The following TRMT9B variants were observed in gnomAD, a reference collection of about 807,000 sequenced individuals.
The protein encoded by TRMT9B is probable tRNA methyltransferase 9B.
A neutral mutation model predicts 11.5 loss-of-function variants in TRMT9B; 16 were observed. The ratio of observed to expected loss-of-function variants is 1.39; its 90% CI spans 0.94 to 2.11. The LOEUF is 2.11. Ranked by LOEUF, TRMT9B falls within the 30% of genes most tolerant of loss-of-function variation. TRMT9B has a pLI of 0.00. For synonymous variants in TRMT9B, 274 were observed against 192.4 expected, an observed-to-expected ratio of 1.42 and a Z score of -3.51; for missense variants, 941 against 553.8, an observed-to-expected ratio of 1.70 and a Z score of -7.02.
chr8:13,018,673 C>A (rs1402983098), intron 4 of TRMT9B, among the ~76,000 whole-genome samples: 1 of 152,162 alleles, frequency 6.6e-6, no homozygotes, highest in Non-Finnish European at 1.5e-5. Flanking sequence ...CTGATCACAA[C>A]ATTTTTGTCA....
intron 2 of TRMT9B, among the ~76,000 whole-genome samples, chr8:13,003,448 G>T (rs1217331471): frequency 6.6e-6 from 1 of 152,100 alleles, no homozygotes; most frequent in African/African-American, 2.4e-5. Flanking sequence ...CTTCCTGGAG[G>T]AGATGATGCC....
chr8:13,008,854 T>G (rs964776693), intron 3 of TRMT9B, among the ~76,000 whole-genome samples: 7 of 152,194 alleles, frequency 4.6e-5, no homozygotes, highest in East Asian at 1.9e-4. Context: ...TCAGCCTCCC[T>G]AGTAGCTGGG....
chr8:13,008,760 G>T (rs1345371999), intron 3 of TRMT9B, among the ~76,000 whole-genome samples: 1 of 152,036 alleles, frequency 6.6e-6, no homozygotes, highest in African/African-American at 2.4e-5. Context: ...ACGGAGTCTT[G>T]CTCTGTTGCC....
chr8:13,015,226 A>C (rs531531329), intron 4 of TRMT9B, among the ~76,000 whole-genome samples: 1 of 151,536 alleles, frequency 6.6e-6, no homozygotes, highest in Non-Finnish European at 1.5e-5. Context: ...AGAATTTTTT[A>C]TTTTTATTTT....
chr8:13,018,060 C>G (rs1022950516), intron 4 of TRMT9B, among the ~76,000 whole-genome samples: 5 of 145,092 alleles, frequency 3.4e-5, no homozygotes, highest in African/African-American at 1.0e-4. Flanking sequence ...AAGGAATGGT[C>G]ACTTAAGCAT....
At chr8:13,017,655 C>A (rs1441936573) in intron 4 of TRMT9B, among the ~76,000 whole-genome samples, 1 of 141,372 alleles carries the variant, frequency 7.1e-6, no homozygotes, top group Admixed American at 7.3e-5. Context: ...ACTCTGTCAC[C>A]CAGGTTGGAG....
Position 13,021,977 on chromosome 8 carries a change from T to A in TRMT9B, c.1298T>A (p.Ile433Asn), listed in dbSNP as rs1480469358. Residue 433 changes from isoleucine (I) to asparagine (N), a missense_variant, in exon 5 of 5, where the codon ATC (isoleucine) becomes AAC (asparagine). Ile to Asn is a moderately radical substitution (Grantham distance 149). Coordinates refer to ENST00000524591, the MANE Select transcript of TRMT9B (RefSeq NM_020844.3). Reference sequence around the variant, plus strand: ...AAGGAGAATGTGTCAGAGCTCCGTATCCTGAGTTCTGGGAATGATCATGGT... The same window carrying A: ...AAGGAGAATGTGTCAGAGCTCCGTAACCTGAGTTCTGGGAATGATCATGGT... ...LLKENVSELR[I>N]LSSGNDHGNW... The A allele has an allele frequency of 6.2e-7, 1 of 1,613,344 alleles. No individual in the cohort carries two copies. Among genetic ancestry groups the A allele is most frequent in the Non-Finnish European group, 8.5e-7 (1 of 1,179,734 alleles).
intron 1 of TRMT9B, among the ~76,000 whole-genome samples, chr8:12,980,678 G>A (rs184734678): frequency 9.0e-4 from 137 of 152,296 alleles, no homozygotes; most frequent in African/African-American, 3.1e-3. Flanking sequence ...AGAGAGCACA[G>A]GAGACGAATC....
chr8:13,010,858 G>A (rs979793027), intron 3 of TRMT9B: 16 of 979,642 alleles, frequency 1.6e-5, no homozygotes, highest in Non-Finnish European at 1.9e-5. Context: ...CCCCATGATT[G>A]CCTTCAAACA....
rs1223541058 is a variant in TRMT9B, at chr8:13,022,301, A to G, written c.*257A>G. On this transcript the variant is annotated 3_prime_UTR_variant, in exon 5 of 5. Coordinates refer to ENST00000524591, the MANE Select transcript of TRMT9B (RefSeq NM_020844.3). ...GAAGAAGCAACAGAAAGTACCCTTC[A>G]GTACACCTCAGACTTTTTTTTAACC... 1.3e-5 allele frequency: 5 copies of G among 376,036 alleles called. No individual in the cohort carries two copies. Among genetic ancestry groups the G allele is most frequent in the African/African-American group, 2.1e-5 (1 of 47,694 alleles). The allele number at this position is 376,036 out of a possible 1,614,324, so 23.3% of individuals were successfully genotyped here. A position where few individuals can be genotyped will look rare whatever the true frequency, so the allele number is the denominator to read the frequency against.
intron 1 of TRMT9B, among the ~76,000 whole-genome samples, chr8:12,947,328 CT>C (rs1405170997): frequency 2.0e-5 from 3 of 152,204 alleles, no homozygotes; most frequent in Non-Finnish European, 4.4e-5. Context: ...GATGATTCCA[CT>C]TCCTTATGCA....
chr8:13,011,661 C>T, intron 3 of TRMT9B: 1 of 979,790 alleles, frequency 1.0e-6, no homozygotes, highest in Non-Finnish European at 1.2e-6. Flanking sequence ...TCAGTAAGAC[C>T]TCAATGATCT....
At chr8:12,991,689 T>A (rs1807362004) in intron 2 of TRMT9B, among the ~76,000 whole-genome samples, 1 of 152,146 alleles carries the variant, frequency 6.6e-6, no homozygotes, top group South Asian at 2.1e-4. Context: ...TTCCAGCACT[T>A]TGGGAGGCCG....
At chr8:12,971,439 T>C (rs761794346) in intron 1 of TRMT9B, among the ~76,000 whole-genome samples, 7 of 152,242 alleles carry the variant, frequency 4.6e-5, no homozygotes, top group South Asian at 2.1e-4. Context: ...AGTTCTACTT[T>C]TGAAGTTTTC....
chr8:12,970,262 C>A (rs1018240601), intron 1 of TRMT9B: 1 of 152,244 alleles, frequency 6.6e-6, no homozygotes, highest in African/African-American at 2.4e-5. Flanking sequence ...TGCCTTCCTT[C>A]ACTGTCCATG....
rs143696987 is a variant in TRMT9B at position 13,006,370 on chromosome 8, C to T, written c.154+14C>T. 8.3e-4 allele frequency: 1,331 copies of T among 1,597,692 alleles called. 13 individuals are homozygous for T. In the African/African-American group the frequency reaches 0.014, roughly 17 times the overall value. On this transcript the variant is annotated intron_variant, in intron 3 of 4. Coordinates refer to ENST00000524591, the MANE Select transcript of TRMT9B (RefSeq NM_020844.3). ...TCGCTGACATAGGTAACCAGGCAGC[C>T]TCATCGCTGACATAGGTAACCAGGC...
chr8:12,992,248 C>T lies in TRMT9B; in HGVS notation c.-2+1217C>T, dbSNP rs578247711. On this transcript the variant is annotated intron_variant, in intron 2 of 4. Coordinates refer to ENST00000524591, the MANE Select transcript of TRMT9B (RefSeq NM_020844.3). The stretch of plus-strand genomic sequence containing the variant: ...ATATATAAAAACATCACATTTCCAT[C>T]TCTGCCGTCCAAAAACTTATAATCT... Among the ~76,000 whole-genome samples the T allele has an allele frequency of 2.6e-5, 4 of 152,298 alleles. No individual in the cohort carries two copies. In the South Asian group the frequency reaches 8.3e-4, roughly 32 times the overall value.
chr8:12,988,427 T>C (rs1320233706), intron 1 of TRMT9B, among the ~76,000 whole-genome samples: 2 of 152,204 alleles, frequency 1.3e-5, no homozygotes, highest in African/African-American at 4.8e-5. Context: ...TATTAGTCCA[T>C]TCTCAGGCTA....
At chr8:12,951,823 A>T (rs1800657599) in intron 1 of TRMT9B, 1 of 151,782 alleles carries the variant, frequency 6.6e-6, no homozygotes, top group South Asian at 2.1e-4. Context: ...GCGCCGGAGT[A>T]GGGCGGGCCA....
Sources: allele counts gnomAD v4.1 joint callset (sites outside exome capture counted in the v4.1 genomes callset), GRCh38; gene constraint gnomAD v4.1.1; transcripts MANE v1.5; gene names NCBI Gene and HGNC (gene_info 2026-07-23, HGNC 2026-07-21).